The following KCNIP4 variants were observed in gnomAD, a reference collection of about 807,000 sequenced individuals.
KCNIP4 encodes Kv channel-interacting protein 4.
Under a neutral mutation model 34.0 loss-of-function variants are expected in KCNIP4, and 12 were observed. The observed-to-expected ratio is 0.35, with a 90% CI of 0.23 to 0.57. The LOEUF (loss-of-function observed/expected upper bound fraction) is 0.57. Ranked by LOEUF, KCNIP4 falls within the 20% of genes least tolerant of loss-of-function variation. KCNIP4 has a pLI of 0.83. For synonymous variants in KCNIP4, 124 were observed against 102.2 expected, an observed-to-expected ratio of 1.21 and a Z score of -1.29; for missense variants, 238 against 311.7, an observed-to-expected ratio of 0.76 and a Z score of 1.78.
intron 1 of KCNIP4, among the ~76,000 whole-genome samples, chr4:20,908,078 T>C (rs1238749170): frequency 6.7e-6 from 1 of 149,998 alleles, no homozygotes; most frequent in Non-Finnish European, 1.5e-5. Flanking sequence ...CCTATCTCTA[T>C]TGCAGAGCCT....
intron 1 of KCNIP4, among the ~76,000 whole-genome samples, chr4:21,526,620 A>G (rs1735996633): frequency 6.6e-6 from 1 of 152,030 alleles, no homozygotes. Flanking sequence ...CTTAATAATC[A>G]TGTATCACCT....
intron 1 of KCNIP4, among the ~76,000 whole-genome samples, chr4:21,454,479 C>A (rs1728761712): frequency 6.6e-6 from 1 of 152,086 alleles, no homozygotes; most frequent in East Asian, 1.9e-4. Context: ...TGATCGAATT[C>A]CTGATTCATC....
intron 1 of KCNIP4, among the ~76,000 whole-genome samples, chr4:21,025,543 GTTTTTTTTTT>G (rs772689134): frequency 0.074 from 2,548 of 34,664 alleles, 58 homozygotes; most frequent in Non-Finnish European, 0.11. Flanking sequence ...CATTGATACT[GTTTTTTTTTT>G]TTTTTTTTTT....
At chr4:20,821,494 C>T (rs562951212) in intron 3 of KCNIP4, among the ~76,000 whole-genome samples, 1 of 152,098 alleles carries the variant, frequency 6.6e-6, no homozygotes, top group Admixed American at 6.5e-5. Context: ...TTTATTTTTT[C>T]CTTAAATAGT....
chr4:21,745,361 C>A (rs1176849546), intron 1 of KCNIP4, among the ~76,000 whole-genome samples: 1 of 152,088 alleles, frequency 6.6e-6, no homozygotes, highest in Non-Finnish European at 1.5e-5. Context: ...TCTTTAGGTT[C>A]TTTGCCTTAA....
chr4:21,224,322 G>A (rs1476338700), intron 1 of KCNIP4, among the ~76,000 whole-genome samples: 3 of 152,072 alleles, frequency 2.0e-5, no homozygotes, highest in Non-Finnish European at 4.4e-5. Flanking sequence ...TCTTCTTGCA[G>A]AGAGGAAGAG....
chr4:21,887,418 C>T (rs974116736), intron 1 of KCNIP4, among the ~76,000 whole-genome samples: 2 of 151,996 alleles, frequency 1.3e-5, no homozygotes, highest in Admixed American at 6.6e-5. Context: ...AGTTCCACCC[C>T]CAAGACCTAA....
At chr4:20,797,729 C>T (rs902562751) in intron 3 of KCNIP4, among the ~76,000 whole-genome samples, 1 of 152,030 alleles carries the variant, frequency 6.6e-6, no homozygotes, top group Non-Finnish European at 1.5e-5. Context: ...TGCAGTACTC[C>T]AGGAGCTAAG....
At chr4:21,780,834 G>A (rs908023174) in intron 1 of KCNIP4, among the ~76,000 whole-genome samples, 23 of 152,176 alleles carry the variant, frequency 1.5e-4, no homozygotes, top group African/African-American at 5.6e-4. Context: ...TCTGGACCAT[G>A]TTCCCTCTGA....
At chr4:20,738,083 T>G (rs1750104902) in intron 5 of KCNIP4, among the ~76,000 whole-genome samples, 1 of 151,888 alleles carries the variant, frequency 6.6e-6, no homozygotes, top group South Asian at 2.1e-4. Flanking sequence ...TGAACTATGA[T>G]TGCACCACTG....
At chr4:21,298,084 A>G (rs189369952) in intron 1 of KCNIP4, among the ~76,000 whole-genome samples, 25 of 152,276 alleles carry the variant, frequency 1.6e-4, no homozygotes, top group Non-Finnish European at 4.4e-5. Context: ...AAATCAAAAT[A>G]TCACTTTCAG....
At chr4:20,887,426 TAAA>T (rs1725432143) in intron 1 of KCNIP4, among the ~76,000 whole-genome samples, 1 of 150,342 alleles carries the variant, frequency 6.7e-6, no homozygotes, top group Non-Finnish European at 1.5e-5. Context: ...AATAAATAAA[TAAA>T]AGAAGAATCA....
At chr4:21,042,760 G>A (rs77352061) in intron 1 of KCNIP4, among the ~76,000 whole-genome samples, 4,455 of 152,192 alleles carry the variant, frequency 0.029, 227 homozygotes, top group African/African-American at 0.1. Context: ...CTACTTACAC[G>A]TTTTGAAACA....
chr4:21,845,901 C>T (rs1439710440), intron 1 of KCNIP4: 1 of 152,024 alleles, frequency 6.6e-6, no homozygotes, highest in East Asian at 1.9e-4. Flanking sequence ...TTCAAAGATT[C>T]TTCCCAACTG....
rs138461386 is a variant in KCNIP4 at position 21,266,620 on chromosome 4, G to C, written c.62-383911C>G. Among the ~76,000 whole-genome samples the C allele has an allele frequency of 1.2e-4, 18 of 152,336 alleles. No individual in the cohort carries two copies. In the South Asian group the frequency reaches 2.1e-3, roughly 18 times the overall value. ...ATGAGGACGTTTGACCTAGGCTAAAGTGCATGTGGGGTGTATCTATTAGGC... is the reference window on the plus strand; with the variant it reads ...ATGAGGACGTTTGACCTAGGCTAAACTGCATGTGGGGTGTATCTATTAGGC... On this transcript the variant is annotated intron_variant, in intron 1 of 8. Transcript: ENST00000382152.
At chr4:21,498,147 ATTGT>A (rs912385700) in intron 1 of KCNIP4, among the ~76,000 whole-genome samples, 1 of 152,236 alleles carries the variant, frequency 6.6e-6, no homozygotes, top group Non-Finnish European at 1.5e-5. Flanking sequence ...TCACCCGAAT[ATTGT>A]TTATCTATGG....
At chr4:21,535,674 G>A (rs909054168) in intron 1 of KCNIP4, among the ~76,000 whole-genome samples, 13 of 151,950 alleles carry the variant, frequency 8.6e-5, no homozygotes, top group South Asian at 2.1e-4. Flanking sequence ...TTAATCCTGC[G>A]TTTTAAAAAC....
intron 1 of KCNIP4, among the ~76,000 whole-genome samples, chr4:21,376,495 T>G (rs1451461878): frequency 6.6e-6 from 1 of 152,230 alleles, no homozygotes; most frequent in Non-Finnish European, 1.5e-5. Context: ...CTTCTGAACA[T>G]TCATTCTTCC....
intron 1 of KCNIP4, among the ~76,000 whole-genome samples, chr4:21,024,231 G>C (rs1028936777): frequency 6.6e-6 from 1 of 152,192 alleles, no homozygotes; most frequent in East Asian, 1.9e-4. Context: ...CCCTTGCGAC[G>C]TCATTAGCTA....
Sources: gnomAD v4.1 joint callset for allele counts (sites outside exome capture counted in the v4.1 genomes callset) on GRCh38, gnomAD v4.1.1 for gene constraint, MANE v1.5 for transcripts, NCBI Gene and HGNC (gene_info 2026-07-23, HGNC 2026-07-21) for gene names.